Variants in FAP observed in about 807,000 individuals in gnomAD.
The protein encoded by FAP is prolyl endopeptidase FAP.
A neutral mutation model predicts 126.5 loss-of-function variants in FAP; 110 were observed. The observed-to-expected ratio is 0.87, with a 90% CI of 0.74 to 1.02. The LOEUF is 1.02. Among genes scored for constraint, FAP ranks in the 50% least tolerant of loss-of-function variants. The pLI, the probability that FAP is intolerant of heterozygous loss-of-function variation, is 0.00. For missense variants in FAP, 919 were observed against 909.2 expected (o/e 1.01, Z -0.14); for synonymous variants, 334 against 297.3 (o/e 1.12, Z -1.27).
intron 2 of FAP, among the ~76,000 whole-genome samples, chr2:162,235,419 G>A (rs1690087226): frequency 6.6e-6 from 1 of 152,218 alleles, no homozygotes; most frequent in African/African-American, 2.4e-5. Context: ...GTCTAGCTAA[G>A]GGATTGTGAG....
intron 7 of FAP, 98 bp from the exon 8 acceptor site, chr2:162,219,281 A>G: frequency 1.7e-6 from 2 of 1,158,982 alleles, no homozygotes; most frequent in South Asian, 3.3e-5. Context: ...GAGTGGTAAT[A>G]AAGATACAAA....
intron 11 of FAP, among the ~76,000 whole-genome samples, chr2:162,213,336 A>G (rs932484137): frequency 6.6e-6 from 1 of 151,584 alleles, no homozygotes; most frequent in Non-Finnish European, 1.5e-5. Context: ...AGATTGCGCC[A>G]CTGCACTCCA....
intron 20 of FAP, 123 bp from the exon 21 acceptor site, chr2:162,183,591 T>C: frequency 1.5e-6 from 1 of 660,500 alleles, no homozygotes. Context: ...TTTAAACACA[T>C]GCATAATAAG....
In FAP at chr2:162,180,034, C is replaced by A. The variant is rs532083362; in HGVS notation, c.1869+3380G>T. On this transcript the variant is annotated intron_variant, in intron 21 of 25. Coordinates refer to ENST00000188790, the MANE Select transcript of FAP (RefSeq NM_004460.5). ...ATGTTGGTCAGGCTGGTCTCGAACTCCTGACCTCGTGATCTGCCTGCCTCG... is the reference window on the plus strand; with the variant it reads ...ATGTTGGTCAGGCTGGTCTCGAACTACTGACCTCGTGATCTGCCTGCCTCG... Among the ~76,000 whole-genome samples the A allele has an allele frequency of 3.3e-5, 5 of 151,978 alleles. No individual in the cohort carries two copies. In the East Asian group the frequency reaches 9.7e-4, roughly 29 times the overall value.
Position 162,189,693 on chromosome 2 carries a change from A to C in FAP, c.1512T>G (p.Pro504=). 1 of 1,590,756 alleles carries C rather than the reference A, an allele frequency of 6.3e-7. No homozygotes were observed. Among genetic ancestry groups the C allele is most frequent in the Non-Finnish European group, 8.6e-7 (1 of 1,166,014 alleles). The change falls in exon 18 of 26, where the codon CCT becomes CCG. Residue 504 remains proline (P), a synonymous_variant. Coordinates refer to ENST00000188790, the MANE Select transcript of FAP (RefSeq NM_004460.5). The part of the protein sequence containing the change: ...LENALKNIQL[P]KEEIKKLEVD... Reference sequence around the variant, plus strand: ...CTTCAAGTTTCTTAATTTCCTCTTTAGGCAGCTGGATATTTTTCAAAGCAT... The same window carrying C: ...CTTCAAGTTTCTTAATTTCCTCTTTCGGCAGCTGGATATTTTTCAAAGCAT...
chr2:162,204,577 TAAAC>T (rs969447936), intron 12 of FAP, among the ~76,000 whole-genome samples: 1 of 152,282 alleles, frequency 6.6e-6, no homozygotes, highest in Admixed American at 6.5e-5. Flanking sequence ...ATACGGCTGT[TAAAC>T]AAACAATGCT....
chr2:162,216,996 T>C (rs1222004979), intron 9 of FAP, among the ~76,000 whole-genome samples: 3 of 152,194 alleles, frequency 2.0e-5, no homozygotes, highest in Admixed American at 2.0e-4. Flanking sequence ...AAGATCTGAG[T>C]TCTTTTACAT....
intron 8 of FAP, among the ~76,000 whole-genome samples, chr2:162,218,466 A>G (rs1387051225): frequency 6.6e-6 from 1 of 152,064 alleles, no homozygotes; most frequent in Admixed American, 6.6e-5. Flanking sequence ...AGATAGCCAA[A>G]ACAGAAAGAA....
chr2:162,173,845 C>A, intron 22 of FAP, 58 bp from the exon 23 acceptor site: 1 of 1,085,646 alleles, frequency 9.2e-7, no homozygotes, highest in Non-Finnish European at 1.4e-6. Flanking sequence ...TTTCATTAAC[C>A]AACAAGACCT....
At chr2:162,203,277 T>C in intron 12 of FAP, 132 bp from the exon 13 acceptor site, 1 of 612,782 alleles carries the variant, frequency 1.6e-6, no homozygotes, top group South Asian at 2.0e-5. Flanking sequence ...CTGTCTTCTG[T>C]CATTCACATC....
At position 162,243,367 on chromosome 2, in the gene FAP, A is replaced by C. The variant is rs1332998802; in HGVS notation, c.-40T>G. On this transcript the variant is annotated 5_prime_UTR_variant, in exon 1 of 26. Transcript: ENST00000188790. ...TTGAAAGTTAGCTAATTCTGTCTTC[A>C]GAGCGTGGGTCACTGGATCTGTGAA... 1.2e-6 allele frequency: 2 copies of C among 1,607,444 alleles called. No individual in the cohort carries two copies. The highest frequency in any genetic ancestry group is 1.1e-5 in the South Asian group (1 of 89,960).
In FAP at chr2:162,170,742, GT is replaced by G. The variant is rs1298971343; in HGVS notation, c.*236del. The G allele has an allele frequency of 2.1e-5, 9 of 438,222 alleles. No individual in the cohort carries two copies. The highest frequency in any genetic ancestry group is 2.9e-5 in the Non-Finnish European group (7 of 243,970). 27.1% of individuals were successfully genotyped at this position (438,222 alleles called of 1,614,324 possible). On this transcript the variant is annotated 3_prime_UTR_variant, in exon 26 of 26. Transcript: ENST00000188790. Reference sequence around the variant, plus strand: ...TCAAATGAACAGGTGATAAAACACTGTGTCCAAAGCAAAATGCATGACTCCC... The same window carrying G: ...TCAAATGAACAGGTGATAAAACACTGGTCCAAAGCAAAATGCATGACTCCC...
chr2:162,236,546 G>A (rs1325415476), intron 2 of FAP, among the ~76,000 whole-genome samples: 6 of 151,660 alleles, frequency 4.0e-5, no homozygotes, highest in Non-Finnish European at 8.8e-5. Flanking sequence ...AGTATTGGTA[G>A]TTAGTATCTT....
rs550165759 is a variant in FAP at position 162,232,951 on chromosome 2, T to G, written c.92-6330A>C. On this transcript the variant is annotated intron_variant, in intron 2 of 25. Coordinates refer to ENST00000188790, the MANE Select transcript of FAP (RefSeq NM_004460.5). ...TTTTCCTCTAATCTCTACTTGACAT[T>G]TTGGCATGGCTGTTACTGCTTCTAC... is the stretch of plus-strand genomic sequence containing the variant. Among the ~76,000 whole-genome samples, 10 of 152,228 alleles carry G rather than the reference T, an allele frequency of 6.6e-5. No individual in the cohort carries two copies. The South Asian group carries it at 2.1e-3, about 32-fold the overall frequency.
chr2:162,216,122 A>G, intron 9 of FAP, 121 bp from the exon 10 acceptor site: 1 of 635,524 alleles, frequency 1.6e-6, no homozygotes, highest in Non-Finnish European at 2.7e-6. Context: ...ATCACTGTGG[A>G]ATACATTCTA....
At chr2:162,233,559 T>C (rs2106298465) in intron 2 of FAP, among the ~76,000 whole-genome samples, 1 of 152,288 alleles carries the variant, frequency 6.6e-6, no homozygotes, top group Middle Eastern at 3.4e-3. Context: ...CATTTTTTAA[T>C]GGAGTTATTT....
chr2:162,227,914 G>A (rs1471020211), intron 2 of FAP, among the ~76,000 whole-genome samples: 1 of 152,098 alleles, frequency 6.6e-6, no homozygotes, highest in Non-Finnish European at 1.5e-5. Flanking sequence ...CCCTGGTTTA[G>A]ATCAGGTTTC....
chr2:162,216,925 AGT>A (rs893994017), intron 9 of FAP, among the ~76,000 whole-genome samples: 2 of 152,174 alleles, frequency 1.3e-5, no homozygotes, highest in African/African-American at 4.8e-5. Context: ...CTTCCCAATC[AGT>A]GTCAGTCACT....
chr2:162,200,754 A>C (rs1688464869), intron 14 of FAP, 135 bp from the exon 15 acceptor site: 2 of 500,180 alleles, frequency 4.0e-6, no homozygotes, highest in Non-Finnish European at 7.1e-6. Flanking sequence ...AAGTACACAA[A>C]TAACTGCTGT....
Sources: gnomAD v4.1 joint callset for allele counts (sites outside exome capture counted in the v4.1 genomes callset) on GRCh38, gnomAD v4.1.1 for gene constraint, MANE v1.5 for transcripts, NCBI Gene and HGNC (gene_info 2026-07-23, HGNC 2026-07-21) for gene names.